CFAP20DC: variants seen among roughly 807,000 people sequenced by gnomAD.
CFAP20DC encodes CFAP20 domain containing.
In CFAP20DC, 84 loss-of-function variants were observed where a neutral mutation model predicts 101.7. The observed-to-expected ratio is 0.83, with a 90% CI of 0.69 to 0.99. The LOEUF (loss-of-function observed/expected upper bound fraction) is 0.99, where lower values mean the gene tolerates loss of function less well. CFAP20DC is among the 50% of genes least tolerant of loss of function. CFAP20DC has a pLI of 0.00. For synonymous variants in CFAP20DC, 359 were observed against 351.2 expected (o/e 1.02, Z -0.25); for missense variants, 1,007 against 970.3 (o/e 1.04, Z -0.50).
chr3:58,718,778 T>C (rs918012570), intron 3 of CFAP20DC, among the ~76,000 whole-genome samples: 12 of 152,236 alleles, frequency 7.9e-5, no homozygotes, highest in African/African-American at 2.9e-4. Context: ...CCTGGTCCAA[T>C]TGGCCTGCTC....
chr3:58,777,121 G>A (rs966891953), intron 15 of CFAP20DC, among the ~76,000 whole-genome samples: 1 of 152,086 alleles, frequency 6.6e-6, no homozygotes, highest in Non-Finnish European at 1.5e-5. Flanking sequence ...AGAACAGACA[G>A]AACTCAAAGT....
At chr3:58,801,081 G>C (rs973522792) in intron 15 of CFAP20DC, among the ~76,000 whole-genome samples, 1 of 152,022 alleles carries the variant, frequency 6.6e-6, no homozygotes, top group Non-Finnish European at 1.5e-5. Context: ...GAGAAAGTGA[G>C]AGAGAGTAAG....
intron 14 of CFAP20DC, among the ~76,000 whole-genome samples, chr3:58,807,254 A>C (rs2074162631): frequency 2.0e-5 from 3 of 152,178 alleles, no homozygotes; most frequent in Admixed American, 6.5e-5. Context: ...GAATGGGCAG[A>C]CTGCCTCCTC....
intron 5 of CFAP20DC, among the ~76,000 whole-genome samples, chr3:58,926,507 T>C (rs909262220): frequency 1.3e-5 from 2 of 152,166 alleles, no homozygotes; most frequent in East Asian, 1.9e-4. Context: ...TTAAGACACA[T>C]TCTCTAATTG....
chr3:58,757,387 C>CAT (rs1218958810), intron 15 of CFAP20DC, among the ~76,000 whole-genome samples: 11 of 151,866 alleles, frequency 7.2e-5, no homozygotes, highest in South Asian at 2.1e-4. Flanking sequence ...CACACACACA[C>CAT]ATATATATAT....
intron 3 of CFAP20DC, among the ~76,000 whole-genome samples, chr3:59,039,832 G>A (rs552054242): frequency 6.6e-6 from 1 of 151,888 alleles, no homozygotes; most frequent in South Asian, 2.1e-4. Context: ...TACAACAAAT[G>A]TCTTTTAAAG....
At position 58,717,933 on chromosome 3, in the gene CFAP20DC, G is replaced by A. The variant is rs28469646; in HGVS notation, c.198-305C>T. On this transcript the variant is annotated intron_variant, in intron 3 of 3. Transcript: ENST00000486145. This position sits in a 1 kb window ranked among gnomAD's most constrained non-coding sequence, Gnocchi z 4.1. ...ATGATGCCAGTCATGACTGATGTAG[G>A]GCTTCTTAATAAGTTCTCTTCTCAA... Among the ~76,000 whole-genome samples the A allele has an allele frequency of 3.7e-4, 56 of 152,230 alleles. No homozygotes were observed. The highest frequency in any genetic ancestry group is 1.3e-3 in the African/African-American group (56 of 41,540).
chr3:59,028,782 G>A (rs1366389354), intron 4 of CFAP20DC, among the ~76,000 whole-genome samples: 1 of 152,134 alleles, frequency 6.6e-6, no homozygotes, highest in Non-Finnish European at 1.5e-5. Context: ...CTATAACAAA[G>A]TGCTTAGAAC....
chr3:59,041,753 T>C (rs1333656448), intron 3 of CFAP20DC, among the ~76,000 whole-genome samples: 1 of 152,150 alleles, frequency 6.6e-6, no homozygotes, highest in Non-Finnish European at 1.5e-5. Context: ...AGGAATTAGT[T>C]ATCTGTTCAT....
chr3:58,852,190 C>T (rs1456814506), intron 12 of CFAP20DC, among the ~76,000 whole-genome samples: 1 of 152,028 alleles, frequency 6.6e-6, no homozygotes, highest in Non-Finnish European at 1.5e-5. Context: ...TCTCCTGTGA[C>T]AATTCTTCAA....
In CFAP20DC at chr3:58,717,997, T is replaced by C. The variant is rs1015242141; in HGVS notation, c.198-369A>G. ...TTACCATTCCCATTTGGATAAGCTA[T>C]GGAGAAATTCAAGTTTGGCTTCATT... On this transcript the variant is annotated intron_variant, in intron 3 of 3. Transcript: ENST00000486145. The surrounding 1 kb of genome is among the most constrained non-coding windows in gnomAD (Gnocchi z 4.1). 3.9e-5 allele frequency among the ~76,000 whole-genome samples: 6 copies of C among 152,232 alleles called. No individual in the cohort carries two copies. Among genetic ancestry groups the C allele is most frequent in the Admixed American group, 3.3e-4 (5 of 15,284 alleles).
rs78805373 is a variant in CFAP20DC, at chr3:58,954,495, A to G, written c.279-16733T>C. Among the ~76,000 whole-genome samples, 411 of 152,314 alleles carry G rather than the reference A, an allele frequency of 2.7e-3. 1 individual carries two copies. The highest frequency in any genetic ancestry group is 9.3e-3 in the African/African-American group (387 of 41,590). On this transcript the variant is annotated intron_variant, in intron 4 of 16. Coordinates refer to ENST00000482387, the MANE Select transcript of CFAP20DC (RefSeq NM_001394063.1). ...TTCAGTGATGGTATCAAATAGCTCT[A>G]GGTACAGTTACAAGGAAATAGTGAG...
At chr3:58,881,360 C>A (rs1377740083) in intron 7 of CFAP20DC, among the ~76,000 whole-genome samples, 1 of 152,036 alleles carries the variant, frequency 6.6e-6, no homozygotes, top group Admixed American at 6.6e-5. Flanking sequence ...ACTTCAATAA[C>A]CAGATCTGAT....
rs1362411273 is a variant in CFAP20DC at position 59,005,714 on chromosome 3, T to C, written c.278+33843A>G. Reference sequence around the variant, plus strand: ...CATTAGCTCTTATTGTCATAAAAATTTCAATATATTAATGTAATTAAATGT... The same window carrying C: ...CATTAGCTCTTATTGTCATAAAAATCTCAATATATTAATGTAATTAAATGT... On this transcript the variant is annotated intron_variant, in intron 4 of 16. Transcript: ENST00000482387. 3.9e-5 allele frequency among the ~76,000 whole-genome samples: 6 copies of C among 152,302 alleles called. No homozygotes were observed. In the East Asian group the frequency reaches 1.2e-3, roughly 29 times the overall value.
intron 16 of CFAP20DC, among the ~76,000 whole-genome samples, chr3:58,743,076 G>C (rs2067968316): frequency 6.6e-6 from 1 of 152,084 alleles, no homozygotes. Context: ...ACATAGAACA[G>C]ACAACATACA....
chr3:58,853,859 C>G (rs2078494653), intron 12 of CFAP20DC, among the ~76,000 whole-genome samples: 1 of 151,914 alleles, frequency 6.6e-6, no homozygotes, highest in African/African-American at 2.4e-5. Context: ...CTATCTATGA[C>G]AAACCCACAG....
At position 58,913,990 on chromosome 3, in the gene CFAP20DC, T is replaced by G; in HGVS notation, c.394-126A>C. On this transcript the variant is annotated intron_variant, in intron 5 of 16. Coordinates refer to ENST00000482387, the MANE Select transcript of CFAP20DC (RefSeq NM_001394063.1). The surrounding 1 kb of genome is among the most constrained non-coding windows in gnomAD (Gnocchi z 4.4). ...TGATCAACAAGCCCCAAACTAATTT[T>G]CCTCTTTAGGTAAACTTATCTCTGT... 1 of 964,926 alleles carries G rather than the reference T, an allele frequency of 1.0e-6. No homozygotes were observed. The highest frequency in any genetic ancestry group is 1.5e-6 in the Non-Finnish European group (1 of 653,998). The allele number at this position is 964,926 out of a possible 1,614,324, so 59.8% of individuals were successfully genotyped here.
At chr3:58,743,053 A>T (rs888071356) in intron 16 of CFAP20DC, among the ~76,000 whole-genome samples, 1 of 152,232 alleles carries the variant, frequency 6.6e-6, no homozygotes, top group Non-Finnish European at 1.5e-5. Flanking sequence ...TTAAAATAAT[A>T]GAACTATAAG....
chr3:58,856,265 G>GACACAT (rs1553697767), intron 12 of CFAP20DC, among the ~76,000 whole-genome samples: 1 of 124,068 alleles, frequency 8.1e-6, no homozygotes, highest in Non-Finnish European at 1.7e-5. Flanking sequence ...TTCATCTTCT[G>GACACAT]ACACACACAC....
Sources: gnomAD v4.1 joint callset for allele counts (sites outside exome capture counted in the v4.1 genomes callset) on GRCh38, gnomAD v4.1.1 for gene constraint, Gnocchi (gnomAD v3.1) non-coding constraint, MANE v1.5 for transcripts, NCBI Gene and HGNC (gene_info 2026-07-23, HGNC 2026-07-21) for gene names.